The following ZC3H12B variants were observed in gnomAD, a reference collection of about 807,000 sequenced individuals.
ZC3H12B encodes the protein probable ribonuclease ZC3H12B.
A neutral mutation model predicts 43.9 loss-of-function variants in ZC3H12B; 7 were observed. That is an observed-to-expected ratio of 0.16 (90% CI 0.09 to 0.30). The LOEUF is 0.30. Ranked by LOEUF, ZC3H12B falls within the 10% of genes least tolerant of loss-of-function variation. The probability of loss-of-function intolerance (pLI) is 1.00; values close to 1 mark genes in which losing one functional copy is unlikely to be tolerated. For missense variants in ZC3H12B, 475 were observed against 670.2 expected (o/e 0.71, Z 3.22); for synonymous variants, 222 against 241.7 (o/e 0.92, Z 0.76).
chrX:65,254,218 G>A, the ZC3H12B span, among the ~76,000 whole-genome samples: 1 of 112,519 alleles, frequency 8.9e-6, no homozygotes, highest in Non-Finnish European at 1.9e-5. Flanking sequence ...TGCCACTGCT[G>A]GAAACACCTG....
At chrX:65,124,612 T>C in the ZC3H12B span, among the ~76,000 whole-genome samples, 43 of 110,859 alleles carry the variant, frequency 3.9e-4, no homozygotes, top group East Asian at 0.01. Context: ...ATTTGTCTGG[T>C]CCTGGACTTT....
chrX:65,355,715 G>T, the ZC3H12B span, among the ~76,000 whole-genome samples: 6 of 111,858 alleles, frequency 5.4e-5, no homozygotes, highest in East Asian at 1.7e-3. Flanking sequence ...GAACATGCCT[G>T]TAATTCTAGC....
chrX:65,168,888 C>G, the ZC3H12B span, among the ~76,000 whole-genome samples: 1 of 110,844 alleles, frequency 9.0e-6, no homozygotes, highest in Non-Finnish European at 1.9e-5. Context: ...TGGTGATATC[C>G]CCTTTATCAT....
the ZC3H12B span, among the ~76,000 whole-genome samples, chrX:65,158,280 A>G: frequency 5.4e-5 from 6 of 111,293 alleles, no homozygotes; most frequent in African/African-American, 1.6e-4. Context: ...TTCTTTGGGT[A>G]TATAGCCAGT....
Position 65,497,118 on chromosome X carries a change from T to G in ZC3H12B, c.609-14T>G, listed in dbSNP as rs921029137. On this transcript the variant is annotated splice_polypyrimidine_tract_variant and intron_variant, in intron 1 of 4. Transcript: ENST00000338957. Reference sequence around the variant, plus strand: ...TTATCAATCTTCTCTCCTCTTATTCTGTATCTTCCTAAGCCATGGGAATAA... The same window carrying G: ...TTATCAATCTTCTCTCCTCTTATTCGGTATCTTCCTAAGCCATGGGAATAA... 4.2e-6 allele frequency: 5 copies of G among 1,178,186 alleles called. No individual in the cohort carries two copies. The highest frequency in any genetic ancestry group is 5.6e-6 in the Non-Finnish European group (5 of 887,772).
chrX:65,237,351 G>T, the ZC3H12B span, among the ~76,000 whole-genome samples: 56 of 110,996 alleles, frequency 5.0e-4, no homozygotes, highest in Non-Finnish European at 7.7e-4. Flanking sequence ...GTTCATTTGT[G>T]GTTTCACTCT....
the ZC3H12B span, among the ~76,000 whole-genome samples, chrX:65,174,373 C>T: frequency 3.6e-5 from 4 of 112,400 alleles, no homozygotes; most frequent in African/African-American, 1.3e-4. Context: ...ATTTCCACTT[C>T]CTTTTGGCAG....
chrX:65,211,139 C>T, the ZC3H12B span, among the ~76,000 whole-genome samples: 2 of 105,056 alleles, frequency 1.9e-5, no homozygotes, highest in South Asian at 4.2e-4. Context: ...TATCCTTTGC[C>T]CACTTTTTGA....
chrX:65,430,756 G>C (rs962204759), intron 3 of ZC3H12B, among the ~76,000 whole-genome samples: 1 of 110,220 alleles, frequency 9.1e-6, no homozygotes. Flanking sequence ...ATGGACATTT[G>C]GGTTGGTTCC....
the ZC3H12B span, among the ~76,000 whole-genome samples, chrX:65,075,823 CCTT>C: frequency 1.8e-5 from 2 of 111,878 alleles, no homozygotes; most frequent in African/African-American, 3.2e-5. Flanking sequence ...TATGTTTCAG[CCTT>C]CTTCTTTTTC....
chrX:65,155,478 TC>T, the ZC3H12B span, among the ~76,000 whole-genome samples: 3 of 111,608 alleles, frequency 2.7e-5, no homozygotes, highest in South Asian at 1.1e-3. Flanking sequence ...GCATTCGTAT[TC>T]AAAAGTTAAA....
chrX:65,329,676 G>A, the ZC3H12B span, among the ~76,000 whole-genome samples: 1 of 104,147 alleles, frequency 9.6e-6, no homozygotes, highest in African/African-American at 3.6e-5. Context: ...GGTTTTTATG[G>A]TTTAAGGTCT....
chrX:65,097,620 T>G, the ZC3H12B span, among the ~76,000 whole-genome samples: 1 of 112,140 alleles, frequency 8.9e-6, no homozygotes, highest in South Asian at 3.6e-4. Context: ...TCTCTCCTCA[T>G]ATATCATAAT....
chrX:65,488,724 G>T, upstream of ZC3H12B: 1 of 1,070,253 alleles, frequency 9.3e-7, no homozygotes, highest in Non-Finnish European at 1.2e-6. Context: ...TACTACAAAA[G>T]AATGCCACTG....
intron 3 of ZC3H12B, among the ~76,000 whole-genome samples, chrX:65,450,675 GTATATA>G (rs1170647767): frequency 1.8e-4 from 2 of 10,889 alleles, no homozygotes; most frequent in Non-Finnish European, 2.4e-4. Flanking sequence ...GTATACATGT[GTATATA>G]TGTATATGTA....
At chrX:65,170,755 ACTTCT>A in the ZC3H12B span, among the ~76,000 whole-genome samples, 146 of 110,811 alleles carry the variant, frequency 1.3e-3, no homozygotes, top group African/African-American at 4.6e-3. Context: ...TTTTCTCTAA[ACTTCT>A]CTTCTCACTT....
At chrX:65,502,625 G>A (rs774144741) in exon 5 of ZC3H12B, 1 of 1,209,566 alleles carries the variant, frequency 8.3e-7, no homozygotes, top group Non-Finnish European at 1.1e-6. Flanking sequence ...GCAGAGCTAT[G>A]GCCCAGAGGA....
At chrX:65,114,247 T>C in the ZC3H12B span, among the ~76,000 whole-genome samples, 1 of 107,701 alleles carries the variant, frequency 9.3e-6, no homozygotes, top group African/African-American at 3.3e-5. Context: ...CTAAATTTGA[T>C]ATCAGTGAAA....
At chrX:65,260,640 T>G in the ZC3H12B span, among the ~76,000 whole-genome samples, 2 of 112,013 alleles carry the variant, frequency 1.8e-5, no homozygotes, top group African/African-American at 6.5e-5. Context: ...CATACACTGT[T>G]TGTGGAAATG....
Sources: gnomAD v4.1 joint callset for allele counts (sites outside exome capture counted in the v4.1 genomes callset) on GRCh38, gnomAD v4.1.1 for gene constraint, MANE v1.5 for transcripts, NCBI Gene and HGNC (gene_info 2026-07-23, HGNC 2026-07-21) for gene names.